The following HS6ST3 variants were observed in gnomAD, a reference collection of about 807,000 sequenced individuals.
HS6ST3 encodes heparan-sulfate 6-O-sulfotransferase 3.
HS6ST3 carries 12 observed loss-of-function variants against 36.7 expected under a neutral mutation model. The ratio of observed to expected loss-of-function variants is 0.33; its 90% CI spans 0.21 to 0.53. The LOEUF is 0.53. Ranked by LOEUF, HS6ST3 falls within the 20% of genes least tolerant of loss-of-function variation. The probability of loss-of-function intolerance (pLI) is 0.95; values close to 1 mark genes in which losing one functional copy is unlikely to be tolerated. For missense variants in HS6ST3, 584 were observed against 640.9 expected, an observed-to-expected ratio of 0.91 and a Z score of 0.96; for synonymous variants, 240 against 257.5, an observed-to-expected ratio of 0.93 and a Z score of 0.65.
At chr13:96,163,388 C>A (rs1054119944) in intron 1 of HS6ST3, among the ~76,000 whole-genome samples, 2 of 152,034 alleles carry the variant, frequency 1.3e-5, no homozygotes, top group African/African-American at 4.8e-5. Flanking sequence ...CACCACCATG[C>A]CTGGCTAATT....
At chr13:96,446,263 T>C (rs1383077303) in intron 1 of HS6ST3, among the ~76,000 whole-genome samples, 4 of 152,190 alleles carry the variant, frequency 2.6e-5, no homozygotes, top group African/African-American at 9.7e-5. Flanking sequence ...TATAATTTTA[T>C]AAAAAGTTGA....
intron 1 of HS6ST3, among the ~76,000 whole-genome samples, chr13:96,182,543 T>G (rs1275270577): frequency 6.6e-6 from 1 of 152,094 alleles, no homozygotes; most frequent in Non-Finnish European, 1.5e-5. Context: ...GATTTTATTT[T>G]AGTTTAATTA....
intron 1 of HS6ST3, among the ~76,000 whole-genome samples, chr13:96,817,895 A>T (rs899032692): frequency 5.9e-5 from 9 of 152,204 alleles, no homozygotes; most frequent in Non-Finnish European, 1.3e-4. Context: ...CCCCCTCCCA[A>T]CACACCATTT....
At chr13:96,420,132 A>G (rs946241813) in intron 1 of HS6ST3, among the ~76,000 whole-genome samples, 1 of 152,172 alleles carries the variant, frequency 6.6e-6, no homozygotes, top group Non-Finnish European at 1.5e-5. Flanking sequence ...TTTCCAGTCA[A>G]CAGCAGCAAA....
chr13:96,219,094 A>G (rs1226779518), intron 1 of HS6ST3, among the ~76,000 whole-genome samples: 1 of 152,048 alleles, frequency 6.6e-6, no homozygotes, highest in Non-Finnish European at 1.5e-5. Flanking sequence ...AGTCGGCCTA[A>G]ATTAAGACCC....
intron 1 of HS6ST3, among the ~76,000 whole-genome samples, chr13:96,113,480 G>C (rs1199560211): frequency 6.6e-6 from 1 of 152,154 alleles, no homozygotes; most frequent in Non-Finnish European, 1.5e-5. Context: ...CTTATGTACA[G>C]TTGTTTCATT....
intron 1 of HS6ST3, among the ~76,000 whole-genome samples, chr13:96,311,043 C>A (rs1006073143): frequency 1.3e-5 from 2 of 152,094 alleles, no homozygotes; most frequent in Admixed American, 1.3e-4. Flanking sequence ...GCAGATAACT[C>A]CATGAAGCCA....
intron 1 of HS6ST3, among the ~76,000 whole-genome samples, chr13:96,515,638 A>G (rs2056069380): frequency 6.6e-6 from 1 of 151,984 alleles, no homozygotes; most frequent in Non-Finnish European, 1.5e-5. Context: ...GTGTCGAGAG[A>G]GGGATGTGGT....
intron 1 of HS6ST3, among the ~76,000 whole-genome samples, chr13:96,710,343 C>T (rs1327708415): frequency 6.6e-6 from 1 of 152,230 alleles, no homozygotes; most frequent in Non-Finnish European, 1.5e-5. Context: ...AGAGCTCTGC[C>T]TGCAGGCAGC....
intron 1 of HS6ST3, among the ~76,000 whole-genome samples, chr13:96,477,702 T>A (rs1369714536): frequency 2.6e-5 from 4 of 151,938 alleles, no homozygotes; most frequent in Non-Finnish European, 2.9e-5. Context: ...AAACCCCGTC[T>A]CTACTAAAAA....
chr13:96,722,737 G>A (rs896906865), intron 1 of HS6ST3, among the ~76,000 whole-genome samples: 1 of 152,162 alleles, frequency 6.6e-6, no homozygotes, highest in Admixed American at 6.5e-5. Flanking sequence ...AGAACTTTGG[G>A]AGGCTGAGGC....
intron 1 of HS6ST3, among the ~76,000 whole-genome samples, chr13:96,599,623 C>A (rs940752863): frequency 6.7e-6 from 1 of 149,444 alleles, no homozygotes. Flanking sequence ...TTTTTTGTTT[C>A]AATTTTGTTT....
Position 96,474,905 on chromosome 13 carries a change from A to G in HS6ST3, c.708-357585A>G, listed in dbSNP as rs527447460. ...TTAAAAATTGCATAAGATCAAATAG[A>G]AAGTGAGTGCAGTGCTGAGAGGAGA... On this transcript the variant is annotated intron_variant, in intron 1 of 1. Transcript: ENST00000376705. 4.6e-5 allele frequency among the ~76,000 whole-genome samples: 7 copies of G among 152,336 alleles called. 1 individual carries two copies. The South Asian group carries it at 8.3e-4, about 18-fold the overall frequency.
At chr13:96,091,798 C>T (rs2053766487) in intron 1 of HS6ST3, among the ~76,000 whole-genome samples, 1 of 152,246 alleles carries the variant, frequency 6.6e-6, no homozygotes, top group South Asian at 2.1e-4. Context: ...TCTGCCTTCA[C>T]CCTCTAAGAT....
At chr13:96,745,403 C>T (rs1372128996) in intron 1 of HS6ST3, among the ~76,000 whole-genome samples, 4 of 152,010 alleles carry the variant, frequency 2.6e-5, no homozygotes, top group African/African-American at 7.2e-5. Flanking sequence ...CAGTGCCCAG[C>T]CATATGGTTG....
intron 1 of HS6ST3, among the ~76,000 whole-genome samples, chr13:96,351,317 A>G (rs1385878303): frequency 1.5e-5 from 1 of 65,110 alleles, no homozygotes; most frequent in African/African-American, 1.0e-4. Flanking sequence ...GGAAGGTGGC[A>G]GTCTTTTTTT....
intron 1 of HS6ST3, among the ~76,000 whole-genome samples, chr13:96,522,675 G>A (rs925496687): frequency 1.9e-4 from 11 of 59,300 alleles, no homozygotes; most frequent in Non-Finnish European, 1.1e-4. Context: ...TGCAACCCCT[G>A]CTTTTGTGTG....
At chr13:96,558,478 T>C (rs1322983753) in intron 1 of HS6ST3, among the ~76,000 whole-genome samples, 1 of 152,248 alleles carries the variant, frequency 6.6e-6, no homozygotes, top group African/African-American at 2.4e-5. Flanking sequence ...GGCTGCCTGC[T>C]GAGCTATAAG....
intron 1 of HS6ST3, among the ~76,000 whole-genome samples, chr13:96,759,208 C>A (rs952117159): frequency 4.6e-5 from 7 of 151,820 alleles, no homozygotes; most frequent in Non-Finnish European, 8.9e-5. Flanking sequence ...CTCATATAAG[C>A]TAACATATAG....
Sources: gnomAD v4.1 joint callset for allele counts (sites outside exome capture counted in the v4.1 genomes callset) on GRCh38, gnomAD v4.1.1 for gene constraint, MANE v1.5 for transcripts, NCBI Gene and HGNC (gene_info 2026-07-23, HGNC 2026-07-21) for gene names.